Variants in CD2AP observed in about 807,000 individuals in gnomAD.
The protein encoded by CD2AP is CD2 associated protein, also known as CD2-associated protein.
CD2AP carries 46 observed loss-of-function variants against 85.1 expected under a neutral mutation model. That is an observed-to-expected ratio of 0.54 (90% CI 0.43 to 0.69). The LOEUF (loss-of-function observed/expected upper bound fraction) is 0.69, where lower values mean the gene tolerates loss of function less well. Among genes scored for constraint, CD2AP ranks in the 30% least tolerant of loss-of-function variants. CD2AP has a pLI of 0.00. For synonymous variants in CD2AP, 255 were observed against 252.9 expected, an observed-to-expected ratio of 1.01 and a Z score of -0.08; for missense variants, 769 against 729.5, an observed-to-expected ratio of 1.05 and a Z score of -0.62.
chr6:47,518,731 A>C (rs1766512535), intron 2 of CD2AP, among the ~76,000 whole-genome samples: 1 of 152,352 alleles, frequency 6.6e-6, no homozygotes, highest in South Asian at 2.1e-4. Flanking sequence ...CCCATTTCAC[A>C]TTTCACATTT....
chr6:47,490,764 T>C (rs1285660111), intron 1 of CD2AP, among the ~76,000 whole-genome samples: 2 of 152,192 alleles, frequency 1.3e-5, no homozygotes, highest in African/African-American at 4.8e-5. Context: ...ATATCAAATT[T>C]CCTTCTCTTT....
Position 47,490,630 on chromosome 6 carries a change from C to CA in CD2AP, c.4+12383dup, listed in dbSNP as rs1765709973. On this transcript the variant is annotated intron_variant, in intron 1 of 17. Transcript: ENST00000359314. ...TGTTTTTAGAACTGTCTCAGGTAAT[C>CA]AGTCTTTGAGATAAAAATCTTTTTT... is the stretch of plus-strand genomic sequence containing the variant. Among the ~76,000 whole-genome samples the CA allele has an allele frequency of 2.6e-5, 4 of 152,146 alleles. No individual in the cohort carries two copies. In the South Asian group the frequency reaches 8.3e-4, roughly 32 times the overall value.
At chr6:47,568,573 C>T (rs1220276801) in intron 5 of CD2AP, among the ~76,000 whole-genome samples, 1 of 151,998 alleles carries the variant, frequency 6.6e-6, no homozygotes, top group Non-Finnish European at 1.5e-5. Context: ...AACCCCGTCT[C>T]TACTAAAAAA....
At position 47,554,703 on chromosome 6, in the gene CD2AP, A is replaced by G. The variant is rs1767630956; in HGVS notation, c.478A>G (p.Asn160Asp). The change falls in exon 5 of 18, where the codon AAT becomes GAT. Residue 160 changes from asparagine to aspartate, a missense_variant. Transcript: ENST00000359314. ...LNNKLGLFPS[N>D]FVKELEVTDD... ...TAACAAGTTGGGACTGTTTCCCTCA[A>G]ATTTTGTGAAAGAATTAGAGGTAAC... is the stretch of plus-strand genomic sequence containing the variant. 1 of 1,613,634 alleles carries G rather than the reference A, an allele frequency of 6.2e-7. No individual in the cohort carries two copies. The highest frequency in any genetic ancestry group is 1.3e-5 in the African/African-American group (1 of 74,912).
At chr6:47,505,007 GTTTCTTTTTTTTTTT>G (rs1766094446) in intron 2 of CD2AP, among the ~76,000 whole-genome samples, 1 of 61,538 alleles carries the variant, frequency 1.6e-5, no homozygotes, top group African/African-American at 5.8e-5. Context: ...GGCTGTGGCA[GTTTCTTTTTTTTTTT>G]TTTTTTTTTT....
intron 4 of CD2AP, among the ~76,000 whole-genome samples, chr6:47,549,114 T>A (rs1239622101): frequency 6.6e-6 from 1 of 151,902 alleles, no homozygotes. Flanking sequence ...TGGGGAAAAA[T>A]TGAAAGCATT....
At chr6:47,605,546 T>C (rs1307814538) in intron 13 of CD2AP, among the ~76,000 whole-genome samples, 1 of 151,974 alleles carries the variant, frequency 6.6e-6, no homozygotes, top group African/African-American at 2.4e-5. Flanking sequence ...AGCTGTCTTA[T>C]GATTACTAAA....
intron 17 of CD2AP, among the ~76,000 whole-genome samples, chr6:47,615,065 T>C (rs1252238468): frequency 6.6e-6 from 1 of 152,232 alleles, no homozygotes; most frequent in Non-Finnish European, 1.5e-5. Flanking sequence ...GTTTAAGTAT[T>C]TCATACTCCC....
intron 8 of CD2AP, among the ~76,000 whole-genome samples, chr6:47,577,664 A>G (rs774203901): frequency 6.6e-6 from 1 of 152,206 alleles, no homozygotes; most frequent in Admixed American, 6.5e-5. Flanking sequence ...TCCTATAATA[A>G]CTAGTATTAT....
At chr6:47,592,433 A>G (rs1334932065) in intron 11 of CD2AP, among the ~76,000 whole-genome samples, 2 of 152,138 alleles carry the variant, frequency 1.3e-5, no homozygotes. Flanking sequence ...GGATTTGGCA[A>G]TAGGTTTTTA....
chr6:47,498,849 C>T (rs1765932322), intron 1 of CD2AP, among the ~76,000 whole-genome samples: 1 of 152,080 alleles, frequency 6.6e-6, no homozygotes, highest in Non-Finnish European at 1.5e-5. Flanking sequence ...TTTTTCCTGA[C>T]TGATATCTTT....
At chr6:47,610,972 T>TATATGTA (rs1491427733) in intron 16 of CD2AP, among the ~76,000 whole-genome samples, 1 of 56,362 alleles carries the variant, frequency 1.8e-5, no homozygotes, top group Non-Finnish European at 3.1e-5. Context: ...TATATATGTA[T>TATATGTA]TTTTTTTTTT....
At chr6:47,560,744 G>A (rs901883269) in intron 5 of CD2AP, among the ~76,000 whole-genome samples, 9 of 152,110 alleles carry the variant, frequency 5.9e-5, no homozygotes, top group Admixed American at 5.9e-4. Flanking sequence ...TGCTGCCACT[G>A]TACTTTTACT....
intron 1 of CD2AP, among the ~76,000 whole-genome samples, chr6:47,480,397 G>GA (rs1206777716): frequency 3.9e-5 from 6 of 152,210 alleles, no homozygotes; most frequent in Admixed American, 3.3e-4. Flanking sequence ...GTCACAAAAT[G>GA]AAAAAATCTG....
At chr6:47,594,205 G>A (rs1035978097) in intron 11 of CD2AP, among the ~76,000 whole-genome samples, 4 of 151,966 alleles carry the variant, frequency 2.6e-5, no homozygotes, top group African/African-American at 9.7e-5. Flanking sequence ...TGGTGGTTGC[G>A]TAACATCGTG....
chr6:47,585,527 G>A lies in CD2AP; in HGVS notation c.1108+3462G>A, dbSNP rs1768601958. Among the ~76,000 whole-genome samples the A allele has an allele frequency of 2.0e-5, 3 of 152,298 alleles. No homozygotes were observed. The South Asian group carries it at 6.2e-4, about 32-fold the overall frequency. On this transcript the variant is annotated intron_variant, in intron 11 of 17. Transcript: ENST00000359314. ...TACCACAGCTTATTGTCTAGAAGCAGTTTACAGGCAGCAGAAAGGAGGAAG... is the reference window on the plus strand; with the variant it reads ...TACCACAGCTTATTGTCTAGAAGCAATTTACAGGCAGCAGAAAGGAGGAAG...
chr6:47,537,309 A>C (rs1767077943), intron 3 of CD2AP, among the ~76,000 whole-genome samples: 1 of 152,210 alleles, frequency 6.6e-6, no homozygotes, highest in African/African-American at 2.4e-5. Flanking sequence ...ACCTTTTGAA[A>C]AAATGAGTGT....
chr6:47,486,806 A>G (rs1356900452), intron 1 of CD2AP, among the ~76,000 whole-genome samples: 1 of 152,202 alleles, frequency 6.6e-6, no homozygotes, highest in Non-Finnish European at 1.5e-5. Flanking sequence ...GATTATTGTA[A>G]TAATAAAGGG....
intron 1 of CD2AP, among the ~76,000 whole-genome samples, chr6:47,498,797 T>A (rs1765931050): frequency 6.6e-6 from 1 of 152,222 alleles, no homozygotes; most frequent in East Asian, 1.9e-4. Flanking sequence ...TTTGAAATAA[T>A]CATGAAGTTG....
Sources: gnomAD v4.1 joint callset for allele counts (sites outside exome capture counted in the v4.1 genomes callset) on GRCh38, gnomAD v4.1.1 for gene constraint, MANE v1.5 for transcripts, NCBI Gene and HGNC (gene_info 2026-07-23, HGNC 2026-07-21) for gene names.